Variants in NTF4 observed in about 807,000 individuals in gnomAD.
NTF4 encodes the protein neurotrophin 4.
NTF4 carries 2 observed loss-of-function variants against 4.4 expected under a neutral mutation model. The ratio of observed to expected loss-of-function variants is 0.46; its 90% CI spans 0.19 to 1.44. NTF4 has a LOEUF of 1.44. NTF4 is among the 40% of genes most tolerant of loss of function. The probability of loss-of-function intolerance (pLI) is 0.26; values close to 1 mark genes in which losing one functional copy is unlikely to be tolerated. For synonymous variants in NTF4, 127 were observed against 122.0 expected (o/e 1.04, Z -0.27); for missense variants, 260 against 293.0 (o/e 0.89, Z 0.82).
At chr19:49,058,574 C>G, downstream of NTF4, 1 of 483,742 alleles carries the variant, frequency 2.1e-6, no homozygotes, top group South Asian at 3.9e-5. Flanking sequence ...TTTCTGGGTC[C>G]CCAGGCCCCG....
downstream of NTF4, among the ~76,000 whole-genome samples, chr19:49,060,071 C>CAAAAAAAAAAAAAA (rs1315950477): frequency 2.5e-5 from 1 of 39,986 alleles, no homozygotes; most frequent in Non-Finnish European, 4.9e-5. Context: ...AAAAAAAAAG[C>CAAAAAAAAAAAAAA]TTTTGGTCAA....
downstream of NTF4, among the ~76,000 whole-genome samples, chr19:49,060,068 A>G (rs2040114806): frequency 6.9e-6 from 1 of 145,062 alleles, no homozygotes. Flanking sequence ...AAAAAAAAAA[A>G]AGCTTTTGGT....
At chr19:49,062,603 G>A (rs1480759462), upstream of NTF4, among the ~76,000 whole-genome samples, 1 of 151,976 alleles carries the variant, frequency 6.6e-6, no homozygotes, top group Admixed American at 6.6e-5. Context: ...TGGTCAACAT[G>A]GTGAAACCCC....
chr19:49,061,190 A>G lies in NTF4; in HGVS notation c.*175T>C. ...CTCAAGTTGCTCCAGGAGAACTCCTATTCAACCTCCAAAACCCCATGTGGT... is the reference window on the plus strand; with the variant it reads ...CTCAAGTTGCTCCAGGAGAACTCCTGTTCAACCTCCAAAACCCCATGTGGT... On this transcript the variant is annotated 3_prime_UTR_variant, in exon 1 of 1. Transcript: ENST00000593537. The surrounding 1 kb of genome is among the most constrained non-coding windows in gnomAD (Gnocchi z 4.9). The G allele has an allele frequency of 1.5e-6, 2 of 1,293,446 alleles. No homozygotes were observed. Among genetic ancestry groups the G allele is most frequent in the Non-Finnish European group, 2.1e-6 (2 of 953,166 alleles). 80.1% of individuals were successfully genotyped at this position (1,293,446 alleles called of 1,614,324 possible).
At position 49,061,913 on chromosome 19, in the gene NTF4, A is replaced by T; in HGVS notation, c.85T>A (p.Ser29Thr). ...GGGGCCAGAAAAGGGGGCAATGTTGAGGGTGGGGGTTGGGACTCAATTGGC... is the reference window on the plus strand; with the variant it reads ...GGGGCCAGAAAAGGGGGCAATGTTGTGGGTGGGGGTTGGGACTCAATTGGC... Residue 29 changes from serine to threonine, a missense_variant, in exon 1 of 1, where the codon TCA (serine) becomes ACA (threonine). Physicochemically the swap from Ser to Thr is moderately conservative, Grantham distance 58. Coordinates refer to ENST00000593537, the Ensembl canonical transcript of NTF4. The surrounding 1 kb of genome is among the most constrained non-coding windows in gnomAD (Gnocchi z 4.9). The T allele has an allele frequency of 1.4e-6, 2 of 1,474,082 alleles. No individual in the cohort carries two copies. Among genetic ancestry groups the T allele is most frequent in the Non-Finnish European group, 1.8e-6 (2 of 1,093,336 alleles). The allele number at this position is 1,474,082 out of a possible 1,614,324, so 91.3% of individuals were successfully genotyped here. A position where few individuals can be genotyped will look rare whatever the true frequency, so the allele number is the denominator to read the frequency against.
rs144346396 is a variant in NTF4 at position 49,061,439 on chromosome 19, G to A, written c.559C>T (p.Arg187Cys). The A allele has an allele frequency of 1.4e-5, 23 of 1,613,814 alleles. No homozygotes were observed. Among genetic ancestry groups the A allele is most frequent in the South Asian group, 5.5e-5 (5 of 91,082 alleles). Residue 187 changes from arginine (R) to cysteine (C), a missense_variant, in exon 1 of 1, where the codon CGT becomes TGT. Arg to Cys is a radical substitution (Grantham distance 180). Coordinates refer to ENST00000593537, the Ensembl canonical transcript of NTF4. This position sits in a 1 kb window ranked among gnomAD's most constrained non-coding sequence, Gnocchi z 4.9. ...ATTCGAATCCATCGCCAGCCCACACGGCCCTGGGCATCAGCGGTCAATGCC... is the reference window on the plus strand; with the variant it reads ...ATTCGAATCCATCGCCAGCCCACACAGCCCTGGGCATCAGCGGTCAATGCC...
At chr19:49,064,138 T>G (rs2040187142), upstream of NTF4, 1 of 152,350 alleles carries the variant, frequency 6.6e-6, no homozygotes, top group Non-Finnish European at 1.5e-5. Context: ...ATCTCCCAGA[T>G]GGGGCGGAAC....
At chr19:49,059,016 G>A (rs1316291355), downstream of NTF4, among the ~76,000 whole-genome samples, 2 of 152,108 alleles carry the variant, frequency 1.3e-5, no homozygotes, top group African/African-American at 2.4e-5. Flanking sequence ...CAGAGACCCA[G>A]GGGGTGGGGG....
rs771342513 is a variant in NTF4 at position 49,061,772 on chromosome 19, T to G, written c.226A>C (p.Asn76His). 3 of 1,573,768 alleles carry G rather than the reference T, an allele frequency of 1.9e-6. No individual in the cohort carries two copies. The highest frequency in any genetic ancestry group is 1.7e-6 in the Non-Finnish European group (2 of 1,160,714). Residue 76 changes from asparagine (N) to histidine (H), a missense_variant, in exon 1 of 1, where the codon AAC becomes CAC. Coordinates refer to ENST00000593537, the Ensembl canonical transcript of NTF4. This position sits in a 1 kb window ranked among gnomAD's most constrained non-coding sequence, Gnocchi z 4.9. ...TCGCTCACCCCACGCCGGCTGCGGT[T>G]GGCCGGGGCACCTGCTGACTCCCGA...
chr19:49,063,262 C>T (rs1386297613), upstream of NTF4, among the ~76,000 whole-genome samples: 1 of 152,000 alleles, frequency 6.6e-6, no homozygotes, highest in African/African-American at 2.4e-5. Context: ...GTGTCCTGGC[C>T]TCCCAAAGTG....
At position 49,061,405 on chromosome 19, in the gene NTF4, G is replaced by A. The variant is rs750214028; in HGVS notation, c.593C>T (p.Ala198Val). ...CCGGCTGAGGAGTGTGCAGACGCAG[G>A]CAGTGTCAATTCGAATCCATCGCCA... The change falls in exon 1 of 1, where the codon GCC becomes GTC. Residue 198 changes from alanine (A) to valine (V), a missense_variant. Transcript: ENST00000593537. The surrounding 1 kb of genome is among the most constrained non-coding windows in gnomAD (Gnocchi z 4.9). The A allele has an allele frequency of 6.2e-6, 10 of 1,613,350 alleles. No homozygotes were observed. In the South Asian group the frequency reaches 9.9e-5, roughly 16 times the overall value.
chr19:49,061,958 G>C lies in NTF4; in HGVS notation c.40C>G (p.Leu14Val). 6.7e-7 allele frequency: 1 copy of C among 1,501,180 alleles called. No individual in the cohort carries two copies. The highest frequency in any genetic ancestry group is 2.5e-5 in the East Asian group (1 of 40,056). 93.0% of individuals were successfully genotyped at this position (1,501,180 alleles called of 1,614,324 possible). A position where few individuals can be genotyped will look rare whatever the true frequency, so the allele number is the denominator to read the frequency against. The change falls in exon 1 of 1, where the codon CTT (leucine) becomes GTT (valine). Residue 14 changes from leucine (L) to valine (V), a missense_variant. Physicochemically the swap from Leu to Val is conservative, Grantham distance 32 (BLOSUM62 1). Transcript: ENST00000593537. This position sits in a 1 kb window ranked among gnomAD's most constrained non-coding sequence, Gnocchi z 4.9. ...ATTGGCACACTGGGGAGGAGGAAAA[G>C]GAGGAGGATGGGGAGGGAGCATGAG... is the stretch of plus-strand genomic sequence containing the variant.
chr19:49,061,024 G>T (rs1331757058), downstream of NTF4: 5 of 350,060 alleles, frequency 1.4e-5, no homozygotes, highest in Admixed American at 4.1e-5. This position sits in a 1 kb window ranked among gnomAD's most constrained non-coding sequence, Gnocchi z 4.9. Context: ...CTCTGAGACT[G>T]AGTAGTCAGC....
upstream of NTF4, among the ~76,000 whole-genome samples, chr19:49,063,312 C>CA (rs1174671745): frequency 6.8e-6 from 1 of 147,158 alleles, no homozygotes; most frequent in African/African-American, 2.5e-5. Flanking sequence ...TGGTCCCAAA[C>CA]AAAATTTTTT....
rs1309730382 is a variant in NTF4, at chr19:49,061,862, C to G, written c.136G>C (p.Val46Leu). ...GCAGGGGCACCCCTAGACAGGACTA[C>G]TCGGGGGGAGAGAAGGTCCCACTCA... Residue 46 changes from valine to leucine, a missense_variant, in exon 1 of 1, where the codon GTA becomes CTA. Transcript: ENST00000593537. This position sits in a 1 kb window ranked among gnomAD's most constrained non-coding sequence, Gnocchi z 4.9. The G allele has an allele frequency of 1.9e-6, 3 of 1,544,270 alleles. No homozygotes were observed. In the African/African-American group the frequency reaches 4.1e-5, roughly 21 times the overall value.
downstream of NTF4, chr19:49,058,309 T>G: frequency 6.7e-7 from 1 of 1,501,164 alleles, no homozygotes; most frequent in South Asian, 1.3e-5. Context: ...GCGAGAATCC[T>G]GCTTTGCAGT....
chr19:49,062,300 CA>C (rs959927000), upstream of NTF4, among the ~76,000 whole-genome samples: 2 of 152,150 alleles, frequency 1.3e-5, no homozygotes, highest in African/African-American at 4.8e-5. Flanking sequence ...GCAGCCTGGC[CA>C]ACATGGTGAA....
Position 49,061,626 on chromosome 19 carries a change from C to A in NTF4, c.372G>T (p.Val124=). ...GGAGGGGACTGCCGCCAGCTGCAGG[C>A]ACCTCGCCCAACACCTCCACCTCGC... Residue 124 remains valine (V), a synonymous_variant, in exon 1 of 1, where the codon GTG becomes GTT. Transcript: ENST00000593537. The surrounding 1 kb of genome is among the most constrained non-coding windows in gnomAD (Gnocchi z 4.9). 8 of 1,613,912 alleles carry A rather than the reference C, an allele frequency of 5.0e-6. No individual in the cohort carries two copies. Among genetic ancestry groups the A allele is most frequent in the Non-Finnish European group, 5.1e-6 (6 of 1,180,014 alleles).
At chr19:49,061,998 C>G, upstream of NTF4, 1 of 1,461,308 alleles carries the variant, frequency 6.8e-7, no homozygotes, top group Non-Finnish European at 9.1e-7. This position sits in a 1 kb window ranked among gnomAD's most constrained non-coding sequence, Gnocchi z 4.9. Context: ...GAGGGAGCAT[C>G]TCTCGGAGCA....
Sources: gnomAD v4.1 joint callset for allele counts (sites outside exome capture counted in the v4.1 genomes callset) on GRCh38, gnomAD v4.1.1 for gene constraint, Gnocchi (gnomAD v3.1) non-coding constraint, MANE v1.5 for transcripts, NCBI Gene and HGNC (gene_info 2026-07-23, HGNC 2026-07-21) for gene names.